The following ABCC12 variants were observed in gnomAD, a reference collection of about 807,000 sequenced individuals.
ABCC12 encodes ATP binding cassette subfamily C member 12.
In ABCC12, 142 loss-of-function variants were observed where a neutral mutation model predicts 151.1. That is an observed-to-expected ratio of 0.94 (90% confidence interval 0.82 to 1.08). The LOEUF (loss-of-function observed/expected upper bound fraction) is 1.08, where lower values mean the gene tolerates loss of function less well. ABCC12 is among the 50% of genes least tolerant of loss of function. ABCC12 has a pLI of 0.00. For synonymous variants in ABCC12, 645 were observed against 646.4 expected, an observed-to-expected ratio of 1.00 and a Z score of 0.03; for missense variants, 1,638 against 1,691.1, an observed-to-expected ratio of 0.97 and a Z score of 0.55.
At chr16:48,105,076 C>A in intron 21 of ABCC12, 63 bp downstream of exon 21, 2 of 1,584,106 alleles carry the variant, frequency 1.3e-6, no homozygotes, top group Middle Eastern at 1.7e-4. Context: ...TGGCACACTG[C>A]AGGTGCTCCG....
intron 6 of ABCC12, 134 bp from the exon 7 acceptor site, chr16:48,139,470 G>A (rs8046826): frequency 0.7 from 631,607 of 897,656 alleles, 231,994 homozygotes; most frequent in East Asian, 0.91. Flanking sequence ...AGGGGTCACC[G>A]GGGACCAATA....
Position 48,105,194 on chromosome 16 carries a change from A to G in ABCC12, c.2618T>C (p.Phe873Ser), listed in dbSNP as rs545421234. The G allele has an allele frequency of 6.2e-6, 10 of 1,614,158 alleles. No homozygotes were observed. In the East Asian group the frequency reaches 2.2e-4, roughly 36 times the overall value. ...GGATGCCATCAGTGTGGTCTTGGTG[A>G]AGACGAAGCCTTTGGTGACGCCAAA... Reference protein sequence around the residue: ...LVFGVTKGFVFTKTTLMASSS... With the variant: ...LVFGVTKGFVSTKTTLMASSS... Residue 873 changes from phenylalanine to serine, a missense_variant, in exon 21 of 31, where the codon TTC becomes TCC. Phe to Ser is a radical substitution (Grantham distance 155). Transcript: ENST00000311303.
rs1963747138 is a variant in ABCC12, at chr16:48,112,887, A to G, written c.1990-977T>C. Among the ~76,000 whole-genome samples the G allele has an allele frequency of 2.0e-5, 3 of 152,166 alleles. No homozygotes were observed. The South Asian group carries it at 6.2e-4, about 32-fold the overall frequency. Reference sequence around the variant, plus strand: ...TGCTGGCATCCCACATTTTGCCCAAAGCACTTCTGTTTTTTTTAATTTGAA... The same window carrying G: ...TGCTGGCATCCCACATTTTGCCCAAGGCACTTCTGTTTTTTTTAATTTGAA... On this transcript the variant is annotated intron_variant, in intron 15 of 30. Coordinates refer to ENST00000311303, the MANE Select transcript of ABCC12 (RefSeq NM_001393797.1).
chr16:48,110,621 G>A (rs557938275), intron 18 of ABCC12, among the ~76,000 whole-genome samples: 36 of 152,072 alleles, frequency 2.4e-4, no homozygotes, highest in Middle Eastern at 3.4e-3. Flanking sequence ...TCCACATCTC[G>A]TCTCCCCACC....
chr16:48,130,686 C>T (rs1964391634), intron 10 of ABCC12, 102 bp downstream of exon 10: 11 of 858,078 alleles, frequency 1.3e-5, no homozygotes, highest in South Asian at 3.1e-5. Context: ...ACTCAACAAG[C>T]GACCCAGCTC....
chr16:48,130,486 C>G (rs898922961), intron 10 of ABCC12, among the ~76,000 whole-genome samples: 3 of 152,192 alleles, frequency 2.0e-5, no homozygotes, highest in Admixed American at 6.5e-5. Context: ...TGACTCAGAA[C>G]AAAACCAACC....
At chr16:48,085,868 C>A (rs1050096824) in intron 28 of ABCC12, among the ~76,000 whole-genome samples, 162 bp from the exon 29 acceptor site, 1 of 152,056 alleles carries the variant, frequency 6.6e-6, no homozygotes, top group Non-Finnish European at 1.5e-5. Flanking sequence ...CAAACAGGCA[C>A]CAGGGAAAGA....
chr16:48,109,683 T>C (rs979630052), intron 18 of ABCC12, among the ~76,000 whole-genome samples: 64 of 152,208 alleles, frequency 4.2e-4, no homozygotes, highest in Admixed American at 4.1e-3. Flanking sequence ...CTTCAGCCCA[T>C]TGTGTCTCCC....
In ABCC12 at chr16:48,144,073, C is replaced by A. The variant is rs1253905114; in HGVS notation, c.120-8G>T. 2.5e-6 allele frequency: 4 copies of A among 1,610,622 alleles called. No individual in the cohort carries two copies. The highest frequency in any genetic ancestry group is 2.5e-6 in the Non-Finnish European group (3 of 1,177,818). On this transcript the variant is annotated splice_polypyrimidine_tract_variant and splice_region_variant and intron_variant, in intron 3 of 30. Transcript: ENST00000311303. ...ACCGGGTTGGGTGCTAACCTGCAGACAAACAAGACACTCAGCGTTCCAGGC... is the reference window on the plus strand; with the variant it reads ...ACCGGGTTGGGTGCTAACCTGCAGAAAAACAAGACACTCAGCGTTCCAGGC...
chr16:48,090,537 C>G (rs188175985), intron 25 of ABCC12, among the ~76,000 whole-genome samples: 77 of 151,644 alleles, frequency 5.1e-4, no homozygotes, highest in Non-Finnish European at 4.4e-4. Flanking sequence ...AGCCACTGAG[C>G]CTGGCAAAAT....
At position 48,085,681 on chromosome 16, in the gene ABCC12, T is replaced by C; in HGVS notation, c.3740A>G (p.Gln1247Arg). The C allele has an allele frequency of 6.2e-6, 10 of 1,614,162 alleles. No individual in the cohort carries two copies. The highest frequency in any genetic ancestry group is 2.2e-5 in the South Asian group (2 of 91,088). The change falls in exon 29 of 31, where the codon CAG becomes CGG. Residue 1247 changes from glutamine (Q) to arginine (R), a missense_variant. Transcript: ENST00000311303. ...DTIMKLPEKL[Q>R]AEVTENGENF... ...TTCTCCATTTTCTGTGACTTCTGCC[T>C]GTAATTTTTCTGGGAGTTTCATTAT...
intron 22 of ABCC12, 78 bp from the exon 23 acceptor site, chr16:48,101,087 A>C: frequency 6.6e-7 from 1 of 1,525,500 alleles, no homozygotes; most frequent in African/African-American, 1.4e-5. Context: ...TACAGAGCCA[A>C]CTAGGCACTC....
intron 26 of ABCC12, 58 bp from the exon 27 acceptor site, chr16:48,088,143 T>C: frequency 1.3e-6 from 2 of 1,566,430 alleles, no homozygotes; most frequent in Non-Finnish European, 1.7e-6. Flanking sequence ...TTCCATCATA[T>C]CCAAGCATTT....
In ABCC12 at chr16:48,115,533, T is replaced by C. The variant is rs1365064021; in HGVS notation, c.1871A>G (p.Tyr624Cys). The C allele has an allele frequency of 6.2e-7, 1 of 1,614,062 alleles. No individual in the cohort carries two copies. The highest frequency in any genetic ancestry group is 1.3e-5 in the African/African-American group (1 of 74,938). Residue 624 changes from tyrosine to cysteine, a missense_variant, in exon 15 of 31, where the codon TAC becomes TGC. Coordinates refer to ENST00000311303, the MANE Select transcript of ABCC12 (RefSeq NM_001393797.1). Reference protein sequence around the residue: ...ARAVYSDRQLYLLDDPLSAVD... With the variant: ...ARAVYSDRQLCLLDDPLSAVD... ...GGCCGACAGGGGGTCGTCCAGCAGG[T>C]AGAGCTGACGGTCGGAGTAGACAGC...
intron 2 of ABCC12, among the ~76,000 whole-genome samples, chr16:48,150,350 T>C (rs1022240979): frequency 3.3e-5 from 5 of 152,184 alleles, no homozygotes; most frequent in Non-Finnish European, 7.3e-5. Flanking sequence ...TAAACATACA[T>C]GAATAGGAAA....
Position 48,085,600 on chromosome 16 carries a change from T to C in ABCC12, c.3821A>G (p.Asn1274Ser), listed in dbSNP as rs1962557353. The change falls in exon 29 of 31, where the codon AAT becomes AGT. Residue 1274 changes from asparagine to serine, a missense_variant. Coordinates refer to ENST00000311303, the MANE Select transcript of ABCC12 (RefSeq NM_001393797.1). ...TTTTCCGTGTTTTCTTACCTTTGAATTACGGAGAAGAGCTCGGGCCACACA... is the reference window on the plus strand; with the variant it reads ...TTTTCCGTGTTTTCTTACCTTTGAACTACGGAGAAGAGCTCGGGCCACACA... ...LLCVARALLR[N>S]SKIILLDEAT... 1.2e-6 allele frequency: 2 copies of C among 1,613,962 alleles called. No individual in the cohort carries two copies. Among genetic ancestry groups the C allele is most frequent in the South Asian group, 1.1e-5 (1 of 91,052 alleles).
intron 11 of ABCC12, among the ~76,000 whole-genome samples, chr16:48,127,331 G>A (rs531662208): frequency 6.6e-6 from 1 of 152,284 alleles, no homozygotes; most frequent in East Asian, 1.9e-4. Context: ...GAGCAAGAAG[G>A]AGATGCATGC....
intron 21 of ABCC12, among the ~76,000 whole-genome samples, chr16:48,104,891 G>T (rs534648763): frequency 6.6e-6 from 1 of 152,180 alleles, no homozygotes; most frequent in Non-Finnish European, 1.5e-5. Flanking sequence ...GCGCATCTCT[G>T]CGGCGGAGTG....
chr16:48,086,675 T>C (rs1009722544), intron 28 of ABCC12, 66 bp downstream of exon 28: 253 of 1,424,074 alleles, frequency 1.8e-4, no homozygotes, highest in Non-Finnish European at 2.4e-4. Context: ...AATTTAAACA[T>C]AGGCCAGGAA....
Sources: gnomAD v4.1 joint callset for allele counts (sites outside exome capture counted in the v4.1 genomes callset) on GRCh38, gnomAD v4.1.1 for gene constraint, MANE v1.5 for transcripts, NCBI Gene and HGNC (gene_info 2026-07-23, HGNC 2026-07-21) for gene names.